Variants in SCAF8 observed in about 807,000 individuals in gnomAD.
SCAF8 encodes the protein SR-related and CTD-associated factor 8.
A neutral mutation model predicts 140.5 loss-of-function variants in SCAF8; 23 were observed. That is an observed-to-expected ratio of 0.16 (90% CI 0.12 to 0.23). SCAF8 has a LOEUF of 0.23. SCAF8 is among the 10% of genes least tolerant of loss of function. SCAF8 has a pLI of 1.00. For synonymous variants in SCAF8, 575 were observed against 528.9 expected, an observed-to-expected ratio of 1.09 and a Z score of -1.20; for missense variants, 1,397 against 1,555.7, an observed-to-expected ratio of 0.90 and a Z score of 1.72.
At position 154,822,339 on chromosome 6, in the gene SCAF8, C is replaced by T. The variant is rs377621837; in HGVS notation, c.1856C>T (p.Thr619Ile). Residue 619 changes from threonine to isoleucine, a missense_variant, in exon 16 of 20, where the codon ACT becomes ATT. Coordinates refer to ENST00000367178, the MANE Select transcript of SCAF8 (RefSeq NM_014892.5). ...ACGGTCCAGACAACTCAGAGCCCAA[C>T]TCCAGTTGAAAAGGAGACAGTGGTC... ...KETVQTTQSP[T>I]PVEKETVVTT... 6.2e-7 allele frequency: 1 copy of T among 1,613,714 alleles called. No individual in the cohort carries two copies. Among genetic ancestry groups the T allele is most frequent in the Non-Finnish European group, 8.5e-7 (1 of 1,179,788 alleles).
Position 154,797,153 on chromosome 6 carries a change from T to C in SCAF8, c.606+2014T>C, listed in dbSNP as rs570532813. Among the ~76,000 whole-genome samples, 6 of 151,880 alleles carry C rather than the reference T, an allele frequency of 4.0e-5. No individual in the cohort carries two copies. In the South Asian group the frequency reaches 8.3e-4, roughly 21 times the overall value. On this transcript the variant is annotated intron_variant, in intron 6 of 19. Coordinates refer to ENST00000367178, the MANE Select transcript of SCAF8 (RefSeq NM_014892.5). Reference sequence around the variant, plus strand: ...TAGAAACCATCTGTTTTGTTTTTCATAGTTGTACGTAATTTTTTTAAAAAC... The same window carrying C: ...TAGAAACCATCTGTTTTGTTTTTCACAGTTGTACGTAATTTTTTTAAAAAC...
chr6:154,776,687 C>G (rs1776926688), intron 2 of SCAF8, among the ~76,000 whole-genome samples: 1 of 152,096 alleles, frequency 6.6e-6, no homozygotes, highest in Admixed American at 6.5e-5. Flanking sequence ...GTAACTTAAA[C>G]CATTGAGTAA....
chr6:154,788,942 G>T (rs1358239470), intron 4 of SCAF8, among the ~76,000 whole-genome samples: 1 of 152,160 alleles, frequency 6.6e-6, no homozygotes, highest in Non-Finnish European at 1.5e-5. Flanking sequence ...GATGAGAATA[G>T]ATGAAGATTC....
intron 1 of SCAF8, among the ~76,000 whole-genome samples, chr6:154,760,569 T>G (rs1035855649): frequency 4.4e-4 from 67 of 152,306 alleles, no homozygotes; most frequent in Non-Finnish European, 8.8e-4. Flanking sequence ...AACTACACTC[T>G]GCTAACTGTG....
chr6:154,793,246 T>G (rs1199549617), intron 5 of SCAF8, among the ~76,000 whole-genome samples: 1 of 152,190 alleles, frequency 6.6e-6, no homozygotes, highest in Admixed American at 6.5e-5. Context: ...TTTCCTGATT[T>G]AAGTTGTCTG....
intron 12 of SCAF8, 133 bp downstream of exon 12, chr6:154,810,341 T>C (rs1386780233): frequency 6.8e-6 from 4 of 587,034 alleles, no homozygotes; most frequent in Non-Finnish European, 1.2e-5. Flanking sequence ...GTAATGTCTC[T>C]GGTTTTTGTA....
chr6:154,832,591 G>A lies in SCAF8; in HGVS notation c.3012G>A (p.Gly1004=), dbSNP rs1352588194. ...ACCCAGAAAAAAGGATACCACTTGGGAATGATAACATTCAACAGGAAGGAG... is the reference window on the plus strand; with the variant it reads ...ACCCAGAAAAAAGGATACCACTTGGAAATGATAACATTCAACAGGAAGGAG... ...VTNPEKRIPL[G]NDNIQQEGDR... Residue 1004 remains glycine (G), a synonymous_variant, in exon 20 of 20, where the codon GGG becomes GGA. Coordinates refer to ENST00000367178, the MANE Select transcript of SCAF8 (RefSeq NM_014892.5). 1.2e-6 allele frequency: 2 copies of A among 1,614,124 alleles called. No individual in the cohort carries two copies. Among genetic ancestry groups the A allele is most frequent in the South Asian group, 2.2e-5 (2 of 91,078 alleles).
intron 3 of SCAF8, among the ~76,000 whole-genome samples, chr6:154,787,454 G>A (rs1044695983): frequency 1.3e-5 from 2 of 152,190 alleles, no homozygotes; most frequent in East Asian, 1.9e-4. Context: ...TTTCATTTGC[G>A]TAGGAACCCT....
At chr6:154,779,758 GGT>G (rs199543298) in intron 3 of SCAF8, among the ~76,000 whole-genome samples, 1 of 147,404 alleles carries the variant, frequency 6.8e-6, no homozygotes, top group African/African-American at 2.5e-5. Context: ...GTTAAAATAA[GGT>G]GTGTGTGTGT....
intron 17 of SCAF8, 63 bp from the exon 18 acceptor site, chr6:154,827,109 A>G: frequency 1.6e-6 from 2 of 1,275,724 alleles, no homozygotes. Flanking sequence ...AGCTGTTGGA[A>G]TCTTTGATTT....
At chr6:154,737,021 A>G (rs1289913034) in intron 1 of SCAF8, among the ~76,000 whole-genome samples, 1 of 152,226 alleles carries the variant, frequency 6.6e-6, no homozygotes, top group African/African-American at 2.4e-5. Flanking sequence ...TTTTGAATGC[A>G]GTTTCTGTGA....
At chr6:154,751,586 AATCAAGATTCAGAAATGATTAAAC>A (rs1163891652) in intron 1 of SCAF8, among the ~76,000 whole-genome samples, 1 of 152,200 alleles carries the variant, frequency 6.6e-6, no homozygotes, top group Non-Finnish European at 1.5e-5. Flanking sequence ...ACAGATGAGG[AATCAAGATTCAGAAATGATTAAAC>A]TTGTTCAGTC....
intron 18 of SCAF8, among the ~76,000 whole-genome samples, chr6:154,828,506 C>G (rs1371504341): frequency 6.6e-6 from 1 of 150,522 alleles, no homozygotes; most frequent in Non-Finnish European, 1.5e-5. Context: ...ATTTTTACTT[C>G]TAGTCAGTTG....
chr6:154,786,963 A>C (rs1777274674), intron 3 of SCAF8, among the ~76,000 whole-genome samples: 2 of 152,234 alleles, frequency 1.3e-5, no homozygotes, highest in South Asian at 4.1e-4. Flanking sequence ...CAAAATGTTA[A>C]TGTATGTGTA....
chr6:154,795,151 TTC>T lies in SCAF8; in HGVS notation c.606+14_606+15del, dbSNP rs57295441. On this transcript the variant is annotated intron_variant, in intron 6 of 19. Coordinates refer to ENST00000367178, the MANE Select transcript of SCAF8 (RefSeq NM_014892.5). ...CTCAAGGCCAGCAGGTGAGCGGTTTTTCTGTTATATCAAGAATAATTTAGAAT... is the reference window on the plus strand; with the variant it reads ...CTCAAGGCCAGCAGGTGAGCGGTTTTTGTTATATCAAGAATAATTTAGAAT... 733,896 of 1,594,610 alleles carry T rather than the reference TTC, an allele frequency of 0.46. 176,125 individuals carry two copies. The highest frequency in any genetic ancestry group is 0.92 in the East Asian group (40,809 of 44,500).
intron 1 of SCAF8, among the ~76,000 whole-genome samples, chr6:154,771,935 C>T (rs773049510): frequency 9.9e-5 from 15 of 152,006 alleles, no homozygotes; most frequent in African/African-American, 1.2e-4. Context: ...GAGAACATAC[C>T]GCATGTATTT....
Position 154,808,133 on chromosome 6 carries a change from G to T in SCAF8, c.1045G>T (p.Gly349Trp). The T allele has an allele frequency of 6.2e-7, 1 of 1,613,914 alleles. No individual in the cohort carries two copies. The highest frequency in any genetic ancestry group is 1.7e-5 in the Admixed American group (1 of 60,016). ...AGAGCATTCAGCGTCACCATCACAA[G>T]GGAGTAGTCAGCAGCATTTTCTTGA... ...GSEHSASPSQ[G>W]SSQQHFLEPE... Residue 349 changes from glycine to tryptophan, a missense_variant, in exon 10 of 20, where the codon GGG becomes TGG. By Grantham distance (184) the Gly-to-Trp change is radical. Coordinates refer to ENST00000367178, the MANE Select transcript of SCAF8 (RefSeq NM_014892.5).
At position 154,788,283 on chromosome 6, in the gene SCAF8, C is replaced by G. The variant is rs1777311751; in HGVS notation, c.321+261C>G. 2.0e-5 allele frequency among the ~76,000 whole-genome samples: 3 copies of G among 152,092 alleles called. No individual in the cohort carries two copies. The South Asian group carries it at 6.2e-4, about 32-fold the overall frequency. The stretch of plus-strand genomic sequence containing the variant: ...GTGACATGCTGTACATGTTTGTAGT[C>G]TAGGAGCAATGGAATATGCCATATA... On this transcript the variant is annotated intron_variant, in intron 4 of 19. Transcript: ENST00000367178.
Position 154,833,192 on chromosome 6 carries a change from C to A in SCAF8, c.3613C>A (p.Gln1205Lys). The A allele has an allele frequency of 6.2e-7, 1 of 1,614,020 alleles. No individual in the cohort carries two copies. Among genetic ancestry groups the A allele is most frequent in the Non-Finnish European group, 8.5e-7 (1 of 1,179,972 alleles). ...VFDYFEGATSQRKGDNVPQVN... is the reference protein window; with the variant it reads ...VFDYFEGATSKRKGDNVPQVN... ...TGATTATTTTGAAGGGGCCACTTCT[C>A]AACGAAAAGGTGATAATGTGCCTCA... The change falls in exon 20 of 20, where the codon CAA becomes AAA. Residue 1205 changes from glutamine (Q) to lysine (K), a missense_variant. Physicochemically the swap from Gln to Lys is moderately conservative, Grantham distance 53. This residue lies in a region of SCAF8 where 930 missense variants were observed against 874.6 expected (regional missense o/e 1.06). Coordinates refer to ENST00000367178, the MANE Select transcript of SCAF8 (RefSeq NM_014892.5).
Sources: allele counts gnomAD v4.1 joint callset (sites outside exome capture counted in the v4.1 genomes callset), GRCh38; gene constraint gnomAD v4.1.1; regional missense constraint gnomAD v4.1.1; transcripts MANE v1.5; gene names NCBI Gene and HGNC (gene_info 2026-07-23, HGNC 2026-07-21).